ITIH2: variants seen among roughly 807,000 people sequenced by gnomAD.
ITIH2 encodes inter-alpha-trypsin inhibitor heavy chain H2.
ITIH2 carries 103 observed loss-of-function variants against 104.4 expected under a neutral mutation model. That is an observed-to-expected ratio of 0.99 (90% confidence interval 0.84 to 1.16). The LOEUF (loss-of-function observed/expected upper bound fraction) is 1.16, where lower values mean the gene tolerates loss of function less well. Ranked by LOEUF, ITIH2 falls within the 50% of genes most tolerant of loss-of-function variation. The probability of loss-of-function intolerance (pLI) is 0.00; values close to 1 mark genes in which losing one functional copy is unlikely to be tolerated. For missense variants in ITIH2, 1,108 were observed against 1,162.4 expected (o/e 0.95, Z 0.68); for synonymous variants, 436 against 435.4 (o/e 1.00, Z -0.02).
At chr10:7,738,537 G>A in intron 15 of ITIH2, 84 bp from the exon 16 acceptor site, 4 of 1,448,268 alleles carry the variant, frequency 2.8e-6, no homozygotes, top group South Asian at 2.3e-5. Flanking sequence ...ACCTGGGGGT[G>A]CATAAAACAG....
At position 7,744,907 on chromosome 10, in the gene ITIH2, T is replaced by C. The variant is rs1412318404; in HGVS notation, c.2525T>C (p.Leu842Pro). The part of the protein sequence containing the change: ...WKKHPVNVDF[L>P]GIYIPPTNKF... ...AAGCATCCCGTCAATGTTGACTTTC[T>C]GGGAATCTACATACCCCCTACAAAC... The change falls in exon 19 of 21, where the codon CTG becomes CCG. Residue 842 changes from leucine to proline, a missense_variant. Transcript: ENST00000358415. The C allele has an allele frequency of 1.2e-6, 2 of 1,614,180 alleles. No homozygotes were observed. The highest frequency in any genetic ancestry group is 3.3e-5 in the Admixed American group (2 of 60,030).
intron 6 of ITIH2, 58 bp downstream of exon 6, chr10:7,717,846 G>C (rs1438781218): frequency 3.3e-6 from 5 of 1,513,280 alleles, no homozygotes; most frequent in Non-Finnish European, 4.5e-6. Context: ...CTCTGACCCT[G>C]ATTTATACTT....
chr10:7,735,147 G>A (rs1835042419), intron 15 of ITIH2, 56 bp downstream of exon 15: 1 of 1,505,484 alleles, frequency 6.6e-7, no homozygotes, highest in Non-Finnish European at 8.9e-7. Flanking sequence ...CCCCGGGGGT[G>A]GGCGAAGTCC....
chr10:7,726,360 G>C (rs1213252164), intron 9 of ITIH2, among the ~76,000 whole-genome samples: 1 of 152,198 alleles, frequency 6.6e-6, no homozygotes, highest in African/African-American at 2.4e-5. Flanking sequence ...GTCAAAGAGA[G>C]GGAATGAAAT....
At chr10:7,736,632 C>A (rs1351250590) in intron 15 of ITIH2, among the ~76,000 whole-genome samples, 1 of 151,820 alleles carries the variant, frequency 6.6e-6, no homozygotes, top group African/African-American at 2.4e-5. Flanking sequence ...GCCAAGTGAG[C>A]AAAATAATAT....
chr10:7,704,760 C>A (rs1020012289), intron 1 of ITIH2, among the ~76,000 whole-genome samples: 2 of 152,138 alleles, frequency 1.3e-5, no homozygotes, highest in Admixed American at 6.5e-5. Flanking sequence ...TGAATACCAA[C>A]AGCTATCTCT....
chr10:7,738,471 G>A (rs1280865531), intron 15 of ITIH2, 150 bp from the exon 16 acceptor site: 2 of 797,722 alleles, frequency 2.5e-6, no homozygotes, highest in Middle Eastern at 2.5e-4. Flanking sequence ...ACATGACAGA[G>A]GGAGCCCGAG....
intron 10 of ITIH2, among the ~76,000 whole-genome samples, chr10:7,727,410 T>G (rs951732261): frequency 6.6e-6 from 1 of 152,218 alleles, no homozygotes; most frequent in African/African-American, 2.4e-5. Flanking sequence ...TCAGAGTATC[T>G]TGGCAAGGCT....
At chr10:7,720,526 G>T (rs1021190857) in intron 6 of ITIH2, among the ~76,000 whole-genome samples, 1 of 152,082 alleles carries the variant, frequency 6.6e-6, no homozygotes, top group Non-Finnish European at 1.5e-5. Context: ...TTAACAATGA[G>T]GGAAAAAGAA....
In ITIH2 at chr10:7,734,945, C is replaced by A. The variant is rs1835038682; in HGVS notation, c.1811C>A (p.Ala604Asp). The A allele has an allele frequency of 1.2e-6, 2 of 1,613,070 alleles. No homozygotes were observed. The highest frequency in any genetic ancestry group is 1.7e-6 in the Non-Finnish European group (2 of 1,179,938). ...AGAAGCCTGGCTCCTACAGCTGCCG[C>A]CAAGAGAAGAATTACAAGATCGATC... ...AERSLAPTAA[A>D]KRRITRSILQ... Residue 604 changes from alanine (A) to aspartate (D), a missense_variant, in exon 15 of 21, where the codon GCC (alanine) becomes GAC (aspartate). By Grantham distance (126) the Ala-to-Asp change is moderately radical. Coordinates refer to ENST00000358415, the MANE Select transcript of ITIH2 (RefSeq NM_002216.3).
chr10:7,731,987 G>A lies in ITIH2; in HGVS notation c.1638G>A (p.Thr546=), dbSNP rs150260189. ...AKLDQIESVI[T]ATSANTQLVL... is the part of the protein sequence containing the mutation. ...TGGATCAAATAGAGAGCGTTATCAC[G>A]GCGACTTCGGTACTTCCACTTATCC... The change falls in exon 13 of 21, where the codon ACG becomes ACA. Residue 546 remains threonine, a synonymous_variant. Coordinates refer to ENST00000358415, the MANE Select transcript of ITIH2 (RefSeq NM_002216.3). 5.6e-6 allele frequency: 9 copies of A among 1,612,302 alleles called. No individual in the cohort carries two copies. Among genetic ancestry groups the A allele is most frequent in the East Asian group, 2.2e-5 (1 of 44,864 alleles).
At position 7,705,100 on chromosome 10, in the gene ITIH2, T is replaced by A. The variant is rs1834733444; in HGVS notation, c.85-8T>A. On this transcript the variant is annotated splice_polypyrimidine_tract_variant and splice_region_variant and intron_variant, in intron 1 of 20. Coordinates refer to ENST00000358415, the MANE Select transcript of ITIH2 (RefSeq NM_002216.3). Reference sequence around the variant, plus strand: ...AAAAAAAAAGTTAAAATCCTAATTTTTTTTAAGTTTGTAGACTATGAAGAT... The same window carrying A: ...AAAAAAAAAGTTAAAATCCTAATTTATTTTAAGTTTGTAGACTATGAAGAT... The A allele has an allele frequency of 6.3e-7, 1 of 1,583,426 alleles. No homozygotes were observed. The highest frequency in any genetic ancestry group is 2.2e-5 in the East Asian group (1 of 44,754).
At position 7,703,471 on chromosome 10, in the gene ITIH2, CT is replaced by C. The variant is rs1323021599; in HGVS notation, c.40del (p.Ser14LeufsTer10). The C allele has an allele frequency of 6.2e-7, 1 of 1,613,916 alleles. No individual in the cohort carries two copies. Among genetic ancestry groups the C allele is most frequent in the African/African-American group, 1.3e-5 (1 of 74,940 alleles). On this transcript the variant is annotated frameshift_variant, in exon 1 of 21. Transcript: ENST00000358415. LOFTEE classifies it high-confidence loss of function. ...RLTCFFICFF[L>X]SEVSGFEIPI... ...CACGTGCTTTTTCATCTGCTTCTTT[CT>C]TTCTGAAGTATCAGGCTTCGAAATC...
At position 7,722,435 on chromosome 10, in the gene ITIH2, G is replaced by T. The variant is rs185013330; in HGVS notation, c.867+658G>T. Among the ~76,000 whole-genome samples the T allele has an allele frequency of 1.8e-4, 27 of 152,284 alleles. No homozygotes were observed. In the East Asian group the frequency reaches 5.0e-3, roughly 28 times the overall value. On this transcript the variant is annotated intron_variant, in intron 8 of 20. Coordinates refer to ENST00000358415, the MANE Select transcript of ITIH2 (RefSeq NM_002216.3). ...AGCAGAAGACAAAGAGGATGGTCAG[G>T]AGTCCAGCTGGGGCAGCCTCTCATT...
intron 15 of ITIH2, 86 bp downstream of exon 15, chr10:7,735,177 C>A: frequency 8.2e-7 from 1 of 1,213,078 alleles, no homozygotes; most frequent in Non-Finnish European, 1.1e-6. Context: ...CGCTCTCTCC[C>A]ACCCCAGCCC....
Position 7,707,237 on chromosome 10 carries a change from A to G in ITIH2, c.192+4A>G, listed in dbSNP as rs771031235. 3 of 1,594,726 alleles carry G rather than the reference A, an allele frequency of 1.9e-6. No individual in the cohort carries two copies. The highest frequency in any genetic ancestry group is 2.2e-5 in the South Asian group (2 of 89,628). On this transcript the variant is annotated splice_donor_region_variant and intron_variant, in intron 3 of 20. Transcript: ENST00000358415. Reference sequence around the variant, plus strand: ...AGGAGAATCGGAAGAAATGATGGTAAGTTGACTTGATGTTGTTACAGATTG... The same window carrying G: ...AGGAGAATCGGAAGAAATGATGGTAGGTTGACTTGATGTTGTTACAGATTG...
chr10:7,712,359 G>T (rs1244861217), intron 4 of ITIH2, among the ~76,000 whole-genome samples: 1 of 152,150 alleles, frequency 6.6e-6, no homozygotes. Flanking sequence ...CCTCTCCAAG[G>T]CCCCACCTCG....
chr10:7,719,593 C>T (rs1834881742), intron 6 of ITIH2, among the ~76,000 whole-genome samples: 1 of 151,564 alleles, frequency 6.6e-6, no homozygotes, highest in African/African-American at 2.4e-5. Flanking sequence ...CTCACCTCTA[C>T]TGAAAATAAA....
chr10:7,748,742 C>T (rs1835205804), intron 20 of ITIH2, among the ~76,000 whole-genome samples: 3 of 151,500 alleles, frequency 2.0e-5, no homozygotes, highest in Non-Finnish European at 2.9e-5. Flanking sequence ...GACAGGGTTT[C>T]ACCATGTTGG....
Sources: allele counts gnomAD v4.1 joint callset (sites outside exome capture counted in the v4.1 genomes callset), GRCh38; gene constraint gnomAD v4.1.1; transcripts MANE v1.5; gene names NCBI Gene and HGNC (gene_info 2026-07-23, HGNC 2026-07-21).